ABLIM2: variants seen among roughly 807,000 people sequenced by gnomAD.
ABLIM2 encodes actin binding LIM protein family member 2, also known as actin-binding LIM protein 2.
In ABLIM2, 53 loss-of-function variants were observed where a neutral mutation model predicts 97.7. That is an observed-to-expected ratio of 0.54 (90% CI 0.44 to 0.68). The LOEUF is 0.68. Ranked by LOEUF, ABLIM2 falls within the 30% of genes least tolerant of loss-of-function variation. ABLIM2 has a pLI of 0.00. For synonymous variants in ABLIM2, 361 were observed against 345.8 expected, an observed-to-expected ratio of 1.04 and a Z score of -0.49; for missense variants, 835 against 867.2, an observed-to-expected ratio of 0.96 and a Z score of 0.47.
chr4:8,051,324 G>A (rs923000433), intron 8 of ABLIM2, among the ~76,000 whole-genome samples: 2 of 152,108 alleles, frequency 1.3e-5, no homozygotes, highest in Admixed American at 6.5e-5. Context: ...CGAGGCGGGC[G>A]GATCCCGAGG....
intron 10 of ABLIM2, among the ~76,000 whole-genome samples, chr4:8,031,614 G>A (rs951452180): frequency 6.6e-6 from 1 of 152,186 alleles, no homozygotes; most frequent in Non-Finnish European, 1.5e-5. Context: ...CTCATAGTGC[G>A]TGACCCTGGA....
chr4:8,030,082 G>A (rs941643401), intron 10 of ABLIM2, among the ~76,000 whole-genome samples: 3 of 152,142 alleles, frequency 2.0e-5, no homozygotes, highest in Non-Finnish European at 2.9e-5. Flanking sequence ...TCATCCTCCA[G>A]GTCTCCTCCT....
At chr4:8,157,475 C>A (rs1360586465) in intron 1 of ABLIM2, among the ~76,000 whole-genome samples, 1 of 152,220 alleles carries the variant, frequency 6.6e-6, no homozygotes, top group African/African-American at 2.4e-5. Context: ...AACCGCCTGC[C>A]ATTGCTCTCA....
rs1032518443 is a variant in ABLIM2, at chr4:8,150,292, C to T, written c.10+8388G>A. Among the ~76,000 whole-genome samples the T allele has an allele frequency of 2.6e-5, 4 of 152,296 alleles. No individual in the cohort carries two copies. The highest frequency in any genetic ancestry group is 2.1e-4 in the South Asian group (1 of 4,818). ...CAGGCCAGGCTGTCTTATGGAATGA[C>T]GGCAGACAGATGAGGAGGCCATGCT... On this transcript the variant is annotated intron_variant, in intron 1 of 20. Transcript: ENST00000447017. The surrounding 1 kb of genome is among the most constrained non-coding windows in gnomAD (Gnocchi z 6.3).
At chr4:8,136,940 T>C (rs1850274128) in intron 1 of ABLIM2, among the ~76,000 whole-genome samples, 1 of 152,148 alleles carries the variant, frequency 6.6e-6, no homozygotes, top group Non-Finnish European at 1.5e-5. Context: ...CAAGGCAATG[T>C]ATTAGGAGCT....
At chr4:8,027,391 T>C (rs2151121951) in intron 12 of ABLIM2, among the ~76,000 whole-genome samples, 1 of 152,290 alleles carries the variant, frequency 6.6e-6, no homozygotes. Context: ...CTTCTGCTCC[T>C]GAACACAAAC....
chr4:8,137,367 C>T (rs1850334919), intron 1 of ABLIM2, among the ~76,000 whole-genome samples: 1 of 152,246 alleles, frequency 6.6e-6, no homozygotes, highest in Non-Finnish European at 1.5e-5. Flanking sequence ...CAAGCCCATG[C>T]CTCACAGGGA....
rs974481382 is a variant in ABLIM2, at chr4:8,032,374, G to C, written c.1048-2598C>G. On this transcript the variant is annotated intron_variant, in intron 10 of 20. Coordinates refer to ENST00000447017, the MANE Select transcript of ABLIM2 (RefSeq NM_001130083.2). The surrounding 1 kb of genome is among the most constrained non-coding windows in gnomAD (Gnocchi z 4.3). ...TGAATTTTCCCCTAAAGGAAGCCAC[G>C]GCCCAGACCACGATCTGCTCAGGGT... 6.6e-6 allele frequency among the ~76,000 whole-genome samples: 1 copy of C among 152,162 alleles called. No homozygotes were observed. The highest frequency in any genetic ancestry group is 2.4e-5 in the African/African-American group (1 of 41,444).
intron 5 of ABLIM2, among the ~76,000 whole-genome samples, chr4:8,078,103 G>T (rs1265689285): frequency 6.6e-6 from 1 of 152,166 alleles, no homozygotes; most frequent in Non-Finnish European, 1.5e-5. Context: ...GAGCCAAAGA[G>T]GGGGGACAGT....
chr4:8,016,868 A>C (rs1309486028), intron 14 of ABLIM2, among the ~76,000 whole-genome samples: 1 of 152,198 alleles, frequency 6.6e-6, no homozygotes, highest in East Asian at 1.9e-4. Context: ...AGCTTATGTG[A>C]AACGCTTTTG....
intron 14 of ABLIM2, among the ~76,000 whole-genome samples, chr4:8,012,346 T>C (rs1010484008): frequency 3.4e-5 from 5 of 145,180 alleles, no homozygotes; most frequent in Non-Finnish European, 4.5e-5. Context: ...CATCCACCCA[T>C]CTATTCATCT....
In ABLIM2 at chr4:8,093,946, C is replaced by T. The variant is rs988416482; in HGVS notation, c.338+3153G>A. On this transcript the variant is annotated intron_variant, in intron 3 of 20. Transcript: ENST00000447017. ...TACTTCCTTAAACACTTGTTGGTCTCCCTTATCCACCTAGATAGAGAAATA... is the reference window on the plus strand; with the variant it reads ...TACTTCCTTAAACACTTGTTGGTCTTCCTTATCCACCTAGATAGAGAAATA... Among the ~76,000 whole-genome samples, 5 of 152,238 alleles carry T rather than the reference C, an allele frequency of 3.3e-5. No homozygotes were observed. The South Asian group carries it at 1.0e-3, about 32-fold the overall frequency.
At chr4:7,994,783 A>G (rs1752065297) in intron 16 of ABLIM2, among the ~76,000 whole-genome samples, 1 of 115,884 alleles carries the variant, frequency 8.6e-6, no homozygotes, top group Non-Finnish European at 2.1e-5. Flanking sequence ...TTCATGTCCA[A>G]AACACCAAAA....
chr4:7,971,854 T>C lies in ABLIM2; in HGVS notation c.1825-4751A>G, dbSNP rs181704925. Among the ~76,000 whole-genome samples, 59 of 152,218 alleles carry C rather than the reference T, an allele frequency of 3.9e-4. 1 individual carries two copies. The highest frequency in any genetic ancestry group is 7.8e-4 in the Non-Finnish European group (53 of 67,976). Reference sequence around the variant, plus strand: ...CCCACCAGTCACAGCCACCCCTCTGTACCAGCACAGGGCTGGCTGACCGGG... The same window carrying C: ...CCCACCAGTCACAGCCACCCCTCTGCACCAGCACAGGGCTGGCTGACCGGG... On this transcript the variant is annotated intron_variant, in intron 20 of 20. Coordinates refer to ENST00000447017, the MANE Select transcript of ABLIM2 (RefSeq NM_001130083.2).
chr4:7,997,221 G>A (rs573630964), intron 16 of ABLIM2, among the ~76,000 whole-genome samples: 2 of 152,062 alleles, frequency 1.3e-5, no homozygotes, highest in African/African-American at 4.8e-5. Context: ...ATGGGTGCAC[G>A]CCATCATGTC....
rs1784389571 is a variant in ABLIM2 at position 8,036,226 on chromosome 4, C to G, written c.970G>C (p.Asp324His). The change falls in exon 10 of 21, where the codon GAC (aspartate) becomes CAC (histidine). Residue 324 changes from aspartate (D) to histidine (H), a missense_variant. Coordinates refer to ENST00000447017, the MANE Select transcript of ABLIM2 (RefSeq NM_001130083.2). Reference protein sequence around the residue: ...AALPKSKAIYDIDRPDMISYS... With the variant: ...AALPKSKAIYHIDRPDMISYS... ...GAGATCATGTCGGGGCGGTCGATGT[C>G]ATAGATGGCCTTACTTTTAGGAAGG... 6.2e-7 allele frequency: 1 copy of G among 1,613,752 alleles called. No individual in the cohort carries two copies. The highest frequency in any genetic ancestry group is 1.3e-5 in the African/African-American group (1 of 74,916).
chr4:8,124,336 G>A lies in ABLIM2; in HGVS notation c.11-17699C>T, dbSNP rs1213289325. On this transcript the variant is annotated intron_variant, in intron 1 of 20. Coordinates refer to ENST00000447017, the MANE Select transcript of ABLIM2 (RefSeq NM_001130083.2). This position sits in a 1 kb window ranked among gnomAD's most constrained non-coding sequence, Gnocchi z 6.1. ...ACTCAATGGCTTTTGGTATTTCACA[G>A]AGCTGCGTGCTGATCACCATAATCC... Among the ~76,000 whole-genome samples, 1 of 152,160 alleles carries A rather than the reference G, an allele frequency of 6.6e-6. No individual in the cohort carries two copies. Among genetic ancestry groups the A allele is most frequent in the African/African-American group, 2.4e-5 (1 of 41,442 alleles).
At chr4:8,097,529 G>A (rs1488879388) in intron 2 of ABLIM2, among the ~76,000 whole-genome samples, 1 of 152,180 alleles carries the variant, frequency 6.6e-6, no homozygotes, top group East Asian at 1.9e-4. Context: ...GCACTGACCG[G>A]GACAAGAGCC....
At chr4:7,967,985 C>T (rs184565996) in intron 20 of ABLIM2, among the ~76,000 whole-genome samples, 49 of 152,370 alleles carry the variant, frequency 3.2e-4, no homozygotes, top group Middle Eastern at 3.4e-3. Context: ...GGCCTGCAAC[C>T]CCTACTCTCC....
Sources: gnomAD v4.1 joint callset for allele counts (sites outside exome capture counted in the v4.1 genomes callset) on GRCh38, gnomAD v4.1.1 for gene constraint, Gnocchi (gnomAD v3.1) non-coding constraint, MANE v1.5 for transcripts, NCBI Gene and HGNC (gene_info 2026-07-23, HGNC 2026-07-21) for gene names.